KTN1: variants seen among roughly 807,000 people sequenced by gnomAD.
The protein encoded by KTN1 is kinectin.
In KTN1, 130 loss-of-function variants were observed where a neutral mutation model predicts 222.5. That is an observed-to-expected ratio of 0.58 (90% CI 0.51 to 0.68). The LOEUF is 0.68. KTN1 is among the 30% of genes least tolerant of loss of function. KTN1 has a pLI of 0.00. For synonymous variants in KTN1, 512 were observed against 496.3 expected (o/e 1.03, Z -0.42); for missense variants, 1,508 against 1,500.4 (o/e 1.01, Z -0.08).
At chr14:55,599,929 A>T (rs946055256) in intron 1 of KTN1, among the ~76,000 whole-genome samples, 1 of 152,024 alleles carries the variant, frequency 6.6e-6, no homozygotes, top group African/African-American at 2.4e-5. Context: ...TTGAAATGGC[A>T]CTGTGATAAT....
Position 55,684,271 on chromosome 14 carries a change from A to G in KTN1, c.*168A>G. ...TACTGATTTAAAGAAGGAAAAAAAA[A>G]AGCCAACTCTGTAGACACCTTCAGA... is the stretch of plus-strand genomic sequence containing the variant. On this transcript the variant is annotated 3_prime_UTR_variant, in exon 44 of 44. Coordinates refer to ENST00000395314, the MANE Select transcript of KTN1 (RefSeq NM_001079521.2). 1 of 490,164 alleles carries G rather than the reference A, an allele frequency of 2.0e-6. No homozygotes were observed. 30.4% of individuals were successfully genotyped at this position (490,164 alleles called of 1,614,324 possible). A position where few individuals can be genotyped will look rare whatever the true frequency, so the allele number is the denominator to read the frequency against.
At chr14:55,663,908 C>A in intron 32 of KTN1, 47 bp from the exon 33 acceptor site, 1 of 1,447,772 alleles carries the variant, frequency 6.9e-7, no homozygotes, top group African/African-American at 1.4e-5. Flanking sequence ...AAGCAAAAAT[C>A]TTTCAATAAT....
At position 55,580,239 on chromosome 14, in the gene KTN1, G is replaced by T. The variant is rs970528168; in HGVS notation, c.-146G>T. 6.7e-6 allele frequency: 1 copy of T among 148,968 alleles called. No homozygotes were observed. Among genetic ancestry groups the T allele is most frequent in the South Asian group, 1.9e-4 (1 of 5,232 alleles). 9.2% of individuals were successfully genotyped at this position (148,968 alleles called of 1,614,324 possible). ...CCCGTTTCCTGCCGAGCGGCGCGAC[G>T]GCACCTGAGCGACTGCGGCGGCGGC... is the stretch of plus-strand genomic sequence containing the variant. On this transcript the variant is annotated 5_prime_UTR_variant, in exon 1 of 44. Transcript: ENST00000395314.
At chr14:55,668,990 C>T (rs372925919) in intron 34 of KTN1, among the ~76,000 whole-genome samples, 4 of 152,020 alleles carry the variant, frequency 2.6e-5, no homozygotes, top group Admixed American at 2.0e-4. Context: ...ACTGAGTAAA[C>T]GTATAGATAC....
chr14:55,672,051 C>CTGT, intron 37 of KTN1, 174 bp downstream of exon 37: 1 of 544,852 alleles, frequency 1.8e-6, no homozygotes, highest in Non-Finnish European at 3.3e-6. Context: ...AGTCTAATGC[C>CTGT]CACCCAAGTT....
chr14:55,670,648 G>T, intron 34 of KTN1, 81 bp from the exon 35 acceptor site: 5 of 908,064 alleles, frequency 5.5e-6, no homozygotes, highest in South Asian at 1.7e-5. Context: ...ATCTAATTTG[G>T]TTATTTTAAA....
chr14:55,592,003 G>A lies in KTN1; in HGVS notation c.-31+11649G>A, dbSNP rs558480783. 1.1e-4 allele frequency among the ~76,000 whole-genome samples: 17 copies of A among 152,204 alleles called. No homozygotes were observed. In the South Asian group the frequency reaches 3.5e-3, roughly 32 times the overall value. On this transcript the variant is annotated intron_variant, in intron 1 of 43. Transcript: ENST00000395314. ...TTTGGGTGGCAAGATTTCTTCATAT[G>A]TTCTGAATACTAATTATTTGCCAAT...
chr14:55,660,389 GTTTT>G (rs34898734), intron 31 of KTN1, among the ~76,000 whole-genome samples: 271 of 121,754 alleles, frequency 2.2e-3, no homozygotes, highest in Middle Eastern at 8.3e-3. Context: ...TTCTTAAGGA[GTTTT>G]TTTTTTTTTT....
intron 2 of KTN1, among the ~76,000 whole-genome samples, chr14:55,616,154 C>G (rs1036191931): frequency 4.6e-5 from 7 of 152,016 alleles, no homozygotes; most frequent in Admixed American, 4.6e-4. Flanking sequence ...TGGTCTGGAA[C>G]TCCTGGGTTC....
chr14:55,677,402 G>A (rs779557173), intron 41 of KTN1, among the ~76,000 whole-genome samples: 22 of 151,416 alleles, frequency 1.5e-4, no homozygotes, highest in African/African-American at 3.6e-4. Context: ...GCTTGAATCC[G>A]GGAGGCAGAG....
In KTN1 at chr14:55,616,671, T is replaced by C. The variant is rs552566893; in HGVS notation, c.661+17T>C. On this transcript the variant is annotated intron_variant, in intron 3 of 43. Coordinates refer to ENST00000395314, the MANE Select transcript of KTN1 (RefSeq NM_001079521.2). Reference sequence around the variant, plus strand: ...CAGAAAATGGTGAGATGTTTAGATATGTATTTTTATAATGCTAATTCTAGA... The same window carrying C: ...CAGAAAATGGTGAGATGTTTAGATACGTATTTTTATAATGCTAATTCTAGA... 9 of 1,573,240 alleles carry C rather than the reference T, an allele frequency of 5.7e-6. No homozygotes were observed. The highest frequency in any genetic ancestry group is 1.4e-5 in the African/African-American group (1 of 72,258).
chr14:55,638,224 A>G (rs2041359558), intron 12 of KTN1, among the ~76,000 whole-genome samples: 1 of 151,928 alleles, frequency 6.6e-6, no homozygotes, highest in Admixed American at 6.6e-5. Flanking sequence ...CAGGGGGAAC[A>G]GTATGGTAAC....
intron 6 of KTN1, among the ~76,000 whole-genome samples, chr14:55,629,409 C>T (rs1268661293): frequency 3.1e-5 from 4 of 128,670 alleles, no homozygotes; most frequent in Non-Finnish European, 6.4e-5. Flanking sequence ...TGGAGTGAGA[C>T]TCCGTCTCAA....
intron 10 of KTN1, 119 bp from the exon 11 acceptor site, chr14:55,637,079 A>C: frequency 1.5e-6 from 1 of 653,094 alleles, no homozygotes. Flanking sequence ...AGCATGCAAG[A>C]ATGGAAGCAG....
intron 18 of KTN1, among the ~76,000 whole-genome samples, chr14:55,642,230 A>T (rs2041878128): frequency 6.6e-6 from 1 of 152,166 alleles, no homozygotes; most frequent in Non-Finnish European, 1.5e-5. Flanking sequence ...AAGTTGTTAG[A>T]TTTGAAAGGA....
At chr14:55,664,366 C>T (rs74053656) in intron 33 of KTN1, among the ~76,000 whole-genome samples, 3,608 of 152,070 alleles carry the variant, frequency 0.024, 126 homozygotes, top group African/African-American at 0.078. Context: ...AAACTTTGAA[C>T]CAAAGAAATC....
rs752669585 is a variant in KTN1, at chr14:55,640,415, G to T, written c.1956G>T (p.Gln652His). 3.7e-6 allele frequency: 6 copies of T among 1,608,210 alleles called. No individual in the cohort carries two copies. The highest frequency in any genetic ancestry group is 4.2e-6 in the Non-Finnish European group (5 of 1,176,720). ...NMNFLLKAEV[Q>H]KLQALANEQA... is the part of the protein sequence containing the mutation. ...ATTTCTTATTAAAAGCTGAAGTGCA[G>T]AAATTACAGGCCCTGGCAAATGAGC... The change falls in exon 15 of 44, where the codon CAG (glutamine) becomes CAT (histidine). Residue 652 changes from glutamine to histidine, a missense_variant. Physicochemically the swap from Gln to His is conservative, Grantham distance 24 (BLOSUM62 0). Coordinates refer to ENST00000395314, the MANE Select transcript of KTN1 (RefSeq NM_001079521.2).
At chr14:55,614,764 AG>A (rs2038103815) in intron 2 of KTN1, among the ~76,000 whole-genome samples, 1 of 152,206 alleles carries the variant, frequency 6.6e-6, no homozygotes. Flanking sequence ...ATGTCCTATA[AG>A]GTCTAAAGTT....
At chr14:55,655,151 G>A (rs2043339838) in intron 28 of KTN1, among the ~76,000 whole-genome samples, 1 of 151,890 alleles carries the variant, frequency 6.6e-6, no homozygotes, top group Non-Finnish European at 1.5e-5. Context: ...ACCATGCCTG[G>A]CTAATTTTTT....
Sources: allele counts gnomAD v4.1 joint callset (sites outside exome capture counted in the v4.1 genomes callset), GRCh38; gene constraint gnomAD v4.1.1; transcripts MANE v1.5; gene names NCBI Gene and HGNC (gene_info 2026-07-23, HGNC 2026-07-21).